XIRP2: variants seen among roughly 807,000 people sequenced by gnomAD.
The protein encoded by XIRP2 is xin actin-binding repeat-containing protein 2.
Under a neutral mutation model 277.0 loss-of-function variants are expected in XIRP2, and 236 were observed. The ratio of observed to expected loss-of-function variants is 0.85; its 90% CI spans 0.77 to 0.95. XIRP2 has a LOEUF of 0.95. Ranked by LOEUF, XIRP2 falls within the 40% of genes least tolerant of loss-of-function variation. The pLI, the probability that XIRP2 is intolerant of heterozygous loss-of-function variation, is 0.00. For missense variants in XIRP2, 4,640 were observed against 4,157.5 expected (o/e 1.12, Z -3.19); for synonymous variants, 1,490 against 1,416.5 (o/e 1.05, Z -1.17).
At chr2:167,199,183 A>G (rs1256174287) in intron 3 of XIRP2, among the ~76,000 whole-genome samples, 1 of 152,186 alleles carries the variant, frequency 6.6e-6, no homozygotes, top group Non-Finnish European at 1.5e-5. Flanking sequence ...GTTGGGATGA[A>G]GGTGAAGAGA....
At chr2:167,145,368 G>T (rs1006513690) in intron 3 of XIRP2, among the ~76,000 whole-genome samples, 4 of 152,052 alleles carry the variant, frequency 2.6e-5, no homozygotes, top group Non-Finnish European at 5.9e-5. Flanking sequence ...GCAATTAGCA[G>T]AATTGAAAGA....
At chr2:166,994,845 A>C (rs1386094918) in intron 2 of XIRP2, among the ~76,000 whole-genome samples, 34 of 152,142 alleles carry the variant, frequency 2.2e-4, no homozygotes, top group Admixed American at 2.2e-3. Flanking sequence ...GGAATTGTGT[A>C]CTACATTTAC....
chr2:167,149,233 A>G (rs564534167), intron 3 of XIRP2, among the ~76,000 whole-genome samples: 2 of 152,304 alleles, frequency 1.3e-5, no homozygotes, highest in Admixed American at 6.5e-5. Context: ...TCAAACCTGT[A>G]ACTTAATTTA....
chr2:167,042,829 G>T (rs1276281784), intron 2 of XIRP2, among the ~76,000 whole-genome samples: 10 of 152,126 alleles, frequency 6.6e-5, no homozygotes, highest in Non-Finnish European at 1.5e-4. Flanking sequence ...AAGACATTCA[G>T]TACCTAAGCT....
At chr2:167,135,260 T>A (rs774279503) in intron 2 of XIRP2, among the ~76,000 whole-genome samples, 3 of 152,172 alleles carry the variant, frequency 2.0e-5, no homozygotes, top group African/African-American at 7.2e-5. Context: ...CAATAAGGAA[T>A]CTGTATATTC....
intron 5 of XIRP2, among the ~76,000 whole-genome samples, chr2:167,228,859 C>T (rs116355028): frequency 0.013 from 2,053 of 152,208 alleles, 48 homozygotes; most frequent in African/African-American, 0.047. Flanking sequence ...GCATCATGGG[C>T]CTTCTGTCTC....
At chr2:167,086,210 T>C (rs1478428881) in intron 2 of XIRP2, among the ~76,000 whole-genome samples, 4 of 152,160 alleles carry the variant, frequency 2.6e-5, no homozygotes, top group Non-Finnish European at 5.9e-5. Context: ...GAAGCTTAGT[T>C]TGGCTGGATA....
intron 3 of XIRP2, among the ~76,000 whole-genome samples, chr2:167,168,226 A>G (rs982602483): frequency 6.6e-5 from 10 of 152,114 alleles, no homozygotes; most frequent in African/African-American, 2.2e-4. Context: ...ACTTTCTGAC[A>G]TTTATCTTGT....
intron 2 of XIRP2, among the ~76,000 whole-genome samples, chr2:166,948,801 G>A (rs1262782912): frequency 4.0e-5 from 6 of 150,616 alleles, no homozygotes; most frequent in Non-Finnish European, 8.9e-5. Context: ...AATTAATTAG[G>A]GAACCAACAG....
rs1473299599 is a variant in XIRP2, at chr2:167,243,338, G to A, written c.1946G>A (p.Gly649Glu). ...GAGAAAATTCCTGAGCTAGCCAGAG[G>A]AGATGTCTGCACAGCTCGGTGGATG... ...NAEKIPELAR[G>E]DVCTARWMFE... The change falls in exon 9 of 11, where the codon GGA becomes GAA. Residue 649 changes from glycine to glutamate, a missense_variant. By Grantham distance (98) the Gly-to-Glu change is moderately conservative. Transcript: ENST00000409195. 6.2e-7 allele frequency: 1 copy of A among 1,614,016 alleles called. No individual in the cohort carries two copies. Among genetic ancestry groups the A allele is most frequent in the African/African-American group, 1.3e-5 (1 of 74,912 alleles).
chr2:167,161,442 G>A (rs1385030660), intron 3 of XIRP2, among the ~76,000 whole-genome samples: 1 of 152,194 alleles, frequency 6.6e-6, no homozygotes, highest in Non-Finnish European at 1.5e-5. Flanking sequence ...CTGAAATCTA[G>A]GCAAAGGTTC....
chr2:167,001,733 A>G (rs1687380227), intron 2 of XIRP2, among the ~76,000 whole-genome samples: 1 of 152,144 alleles, frequency 6.6e-6, no homozygotes, highest in Non-Finnish European at 1.5e-5. Flanking sequence ...TTTTTCAGAT[A>G]TCTCTCTACT....
chr2:167,200,580 A>G (rs988252170), intron 3 of XIRP2, among the ~76,000 whole-genome samples: 4 of 152,246 alleles, frequency 2.6e-5, no homozygotes, highest in African/African-American at 9.6e-5. Flanking sequence ...AAAACCACAG[A>G]TAAACGAACA....
At chr2:167,187,284 T>C (rs1693183457) in intron 3 of XIRP2, 1 of 985,344 alleles carries the variant, frequency 1.0e-6, no homozygotes, top group Non-Finnish European at 1.2e-6. Flanking sequence ...GCCCCACCTA[T>C]ACAGAGCTCA....
intron 2 of XIRP2, among the ~76,000 whole-genome samples, chr2:166,947,096 A>C (rs1685895180): frequency 6.6e-6 from 1 of 152,222 alleles, no homozygotes; most frequent in African/African-American, 2.4e-5. Flanking sequence ...CTATCAATAA[A>C]CATAGATATA....
intron 2 of XIRP2, among the ~76,000 whole-genome samples, chr2:166,915,233 G>A (rs1684832970): frequency 6.9e-6 from 1 of 145,984 alleles, no homozygotes; most frequent in Non-Finnish European, 1.5e-5. Context: ...TCTGGGAGGT[G>A]GAGCTTGCAG....
intron 1 of XIRP2, among the ~76,000 whole-genome samples, chr2:166,891,021 G>C (rs982648030): frequency 6.6e-6 from 1 of 152,112 alleles, no homozygotes; most frequent in Non-Finnish European, 1.5e-5. Flanking sequence ...CTGGCTATGA[G>C]AGATTTGGTG....
chr2:167,023,182 C>G (rs920984433), intron 2 of XIRP2, among the ~76,000 whole-genome samples: 5 of 152,196 alleles, frequency 3.3e-5, no homozygotes, highest in African/African-American at 4.8e-5. Context: ...TTGTGGTTTT[C>G]ATTTGCATTT....
rs531792237 is a variant in XIRP2, at chr2:167,004,092, C to T, written c.408+100202C>T. On this transcript the variant is annotated intron_variant, in intron 2 of 10. Coordinates refer to ENST00000409195, the MANE Select transcript of XIRP2 (RefSeq NM_152381.6). ...ATTATATAAGAAAGAGAAAGAAAGT[C>T]CATGGAATGTTTTTATTTCTAGAAT... 5.9e-5 allele frequency among the ~76,000 whole-genome samples: 9 copies of T among 151,810 alleles called. No individual in the cohort carries two copies. The South Asian group carries it at 1.7e-3, about 28-fold the overall frequency.
Sources: gnomAD v4.1 joint callset for allele counts (sites outside exome capture counted in the v4.1 genomes callset) on GRCh38, gnomAD v4.1.1 for gene constraint, MANE v1.5 for transcripts, NCBI Gene and HGNC (gene_info 2026-07-23, HGNC 2026-07-21) for gene names.